Variants in CRHR2 observed in about 807,000 individuals in gnomAD.
CRHR2 encodes the protein corticotropin-releasing hormone receptor 2.
CRHR2 carries 53 observed loss-of-function variants against 57.9 expected under a neutral mutation model. The observed-to-expected ratio is 0.92, with a 90% CI of 0.73 to 1.15. The LOEUF (loss-of-function observed/expected upper bound fraction) is 1.15, where lower values mean the gene tolerates loss of function less well. Ranked by LOEUF, CRHR2 falls within the 50% of genes most tolerant of loss-of-function variation. The pLI, the probability that CRHR2 is intolerant of heterozygous loss-of-function variation, is 0.00. For synonymous variants in CRHR2, 213 were observed against 220.9 expected (o/e 0.96, Z 0.32); for missense variants, 532 against 542.6 (o/e 0.98, Z 0.19).
At chr7:30,690,982 T>C (rs1278709414) in intron 1 of CRHR2, among the ~76,000 whole-genome samples, 1 of 152,030 alleles carries the variant, frequency 6.6e-6, no homozygotes, top group East Asian at 1.9e-4. Flanking sequence ...CTGGGGGCCA[T>C]GGTCTTGCTG....
intron 2 of CRHR2, chr7:30,689,113 C>G (rs1784909283): frequency 7.5e-7 from 1 of 1,327,578 alleles, no homozygotes; most frequent in Non-Finnish European, 1.1e-6. Flanking sequence ...TGGGCTGGCC[C>G]CAGGAAAGCC....
chr7:30,689,462 C>G (rs993057331), intron 1 of CRHR2, among the ~76,000 whole-genome samples: 3 of 152,300 alleles, frequency 2.0e-5, no homozygotes, highest in African/African-American at 2.4e-5. Flanking sequence ...TGGGCTGGAC[C>G]GAAGAAAGGC....
At chr7:30,659,577 G>A (rs1432887489) in intron 8 of CRHR2, among the ~76,000 whole-genome samples, 2 of 152,186 alleles carry the variant, frequency 1.3e-5, no homozygotes, top group East Asian at 1.9e-4. Flanking sequence ...CCTCTGAAGC[G>A]AACCAAGCCC....
At chr7:30,687,748 G>A (rs1198944496) in intron 2 of CRHR2, among the ~76,000 whole-genome samples, 2 of 152,226 alleles carry the variant, frequency 1.3e-5, no homozygotes, top group Non-Finnish European at 2.9e-5. Flanking sequence ...AAGGGTCTGT[G>A]CCACCTGCTG....
Position 30,652,008 on chromosome 7 carries a change from A to G in CRHR2, c.*1452T>C, listed in dbSNP as rs1783609688. The G allele has an allele frequency of 6.6e-6, 1 of 152,222 alleles. No homozygotes were observed. The highest frequency in any genetic ancestry group is 2.4e-5 in the African/African-American group (1 of 41,452). 9.4% of individuals were successfully genotyped at this position (152,222 alleles called of 1,614,324 possible). On this transcript the variant is annotated 3_prime_UTR_variant, in exon 12 of 12. Transcript: ENST00000471646. This position sits in a 1 kb window ranked among gnomAD's most constrained non-coding sequence, Gnocchi z 4.4. ...ATATTTACAAAATGGCAGAAATCACACCTTTGAAGGATTTAAAACTTAAGT... is the reference window on the plus strand; with the variant it reads ...ATATTTACAAAATGGCAGAAATCACGCCTTTGAAGGATTTAAAACTTAAGT...
rs764355355 is a variant in CRHR2 at position 30,681,959 on chromosome 7, C to G, written c.185G>C (p.Arg62Thr). 1 of 1,611,846 alleles carries G rather than the reference C, an allele frequency of 6.2e-7. No homozygotes were observed. Among genetic ancestry groups the G allele is most frequent in the Non-Finnish European group, 8.5e-7 (1 of 1,179,462 alleles). ...GCCGTTGAAGTACTCGGGGCACGGC[C>G]TCTCCACGAGGGCTCCGGCAGCGCT... Reference protein sequence around the residue: ...PRSAAGALVERPCPEYFNGVK... With the variant: ...PRSAAGALVETPCPEYFNGVK... Residue 62 changes from arginine (R) to threonine (T), a missense_variant, in exon 2 of 12, where the codon AGG becomes ACG. By Grantham distance (71) the Arg-to-Thr change is moderately conservative. Coordinates refer to ENST00000471646, the MANE Select transcript of CRHR2 (RefSeq NM_001883.5).
At chr7:30,691,460 C>T (rs1039025347) in intron 1 of CRHR2, among the ~76,000 whole-genome samples, 2 of 152,222 alleles carry the variant, frequency 1.3e-5, no homozygotes, top group African/African-American at 4.8e-5. Flanking sequence ...GTTTCTGACA[C>T]ATGCTTTGAA....
rs767864800 is a variant in CRHR2 at position 30,662,730 on chromosome 7, G to A, written c.661C>T (p.Arg221Cys). 60 of 1,614,050 alleles carry A rather than the reference G, an allele frequency of 3.7e-5. 1 individual carries two copies. Among genetic ancestry groups the A allele is most frequent in the East Asian group, 8.9e-5 (4 of 44,890 alleles). ...TAIVMTYSTE[R>C]LRKCLFLFIG... is the part of the protein sequence containing the mutation. ...AAGAGGAAGAGGCACTTGCGCAGGC[G>A]CTCAGTGGAGTAGGTCATGACAATG... The change falls in exon 6 of 12, where the codon CGC (arginine) becomes TGC (cysteine). Residue 221 changes from arginine (R) to cysteine (C), a missense_variant. Physicochemically the swap from Arg to Cys is radical, Grantham distance 180 (BLOSUM62 -3). Transcript: ENST00000471646.
Position 30,655,759 on chromosome 7 carries a change from C to T in CRHR2, c.918-44G>A, listed in dbSNP as rs763353642. ...CACAGGTCTGAGCCCATGCGGCAGG[C>T]AGGGCCTCACCCAGTGGGCGGCGGG... On this transcript the variant is annotated intron_variant, in intron 9 of 11. Transcript: ENST00000471646. 5 of 1,600,980 alleles carry T rather than the reference C, an allele frequency of 3.1e-6. No individual in the cohort carries two copies. In the South Asian group the frequency reaches 5.6e-5, roughly 18 times the overall value.
At chr7:30,668,163 A>G (rs562864128) in intron 2 of CRHR2, among the ~76,000 whole-genome samples, 49 of 152,376 alleles carry the variant, frequency 3.2e-4, no homozygotes, top group African/African-American at 1.0e-3. Flanking sequence ...ACAAAAGTGC[A>G]GGTTTTGTCA....
chr7:30,697,956 ACAC>A (rs1354368119), intron 1 of CRHR2: 1 of 152,524 alleles, frequency 6.6e-6, no homozygotes, highest in South Asian at 2.1e-4. Context: ...TGGGCTATAA[ACAC>A]CACAAGAACA....
At chr7:30,688,704 C>T (rs780799393) in intron 2 of CRHR2, 5 of 426,978 alleles carry the variant, frequency 1.2e-5, no homozygotes, top group Non-Finnish European at 2.3e-5. Context: ...CAGCAGAATC[C>T]AGGGCTCTGT....
rs563146852 is a variant in CRHR2 at position 30,689,282 on chromosome 7, T to A, written c.-258A>T. On this transcript the variant is annotated splice_region_variant and 5_prime_UTR_variant, in exon 2 of 14. Transcript: ENST00000341843. ...CTTTGGGCATCTGGCTCTGCCCGGC[T>A]GCCTAGGGGACAGCAAGGATGAGGG... is the stretch of plus-strand genomic sequence containing the variant. 50 of 1,550,278 alleles carry A rather than the reference T, an allele frequency of 3.2e-5. No individual in the cohort carries two copies. The African/African-American group carries it at 6.3e-4, about 19-fold the overall frequency.
chr7:30,681,959 C>A lies in CRHR2; in HGVS notation c.185G>T (p.Arg62Met), dbSNP rs764355355. ...GCCGTTGAAGTACTCGGGGCACGGCCTCTCCACGAGGGCTCCGGCAGCGCT... is the reference window on the plus strand; with the variant it reads ...GCCGTTGAAGTACTCGGGGCACGGCATCTCCACGAGGGCTCCGGCAGCGCT... ...PRSAAGALVE[R>M]PCPEYFNGVK... Residue 62 changes from arginine to methionine, a missense_variant, in exon 2 of 12, where the codon AGG (arginine) becomes ATG (methionine). Physicochemically the swap from Arg to Met is moderately conservative, Grantham distance 91. Coordinates refer to ENST00000471646, the MANE Select transcript of CRHR2 (RefSeq NM_001883.5). The A allele has an allele frequency of 6.2e-7, 1 of 1,611,964 alleles. No homozygotes were observed. The highest frequency in any genetic ancestry group is 2.2e-5 in the East Asian group (1 of 44,832).
intron 8 of CRHR2, among the ~76,000 whole-genome samples, chr7:30,659,889 C>T (rs543878771): frequency 2.0e-5 from 3 of 152,164 alleles, no homozygotes; most frequent in African/African-American, 4.8e-5. Flanking sequence ...ATAAGTCTTA[C>T]GTAAATGCCA....
At chr7:30,695,980 A>C (rs1439584262) in intron 1 of CRHR2, among the ~76,000 whole-genome samples, 2 of 152,240 alleles carry the variant, frequency 1.3e-5, no homozygotes, top group Non-Finnish European at 2.9e-5. Flanking sequence ...GCTGCTAAGT[A>C]AAATAAAATA....
Position 30,665,045 on chromosome 7 carries a change from G to A in CRHR2, c.543+25C>T. The A allele has an allele frequency of 6.3e-7, 1 of 1,597,392 alleles. No homozygotes were observed. The highest frequency in any genetic ancestry group is 8.6e-7 in the Non-Finnish European group (1 of 1,164,962). ...CGGAGCCCAGAGCCCCCCAGGTATA[G>A]CCCCGAGTCTCCCCGAGCAATGACC... On this transcript the variant is annotated intron_variant, in intron 5 of 11. Coordinates refer to ENST00000471646, the MANE Select transcript of CRHR2 (RefSeq NM_001883.5). The surrounding 1 kb of genome is among the most constrained non-coding windows in gnomAD (Gnocchi z 4.5).
chr7:30,665,602 A>G lies in CRHR2; in HGVS notation c.353T>C (p.Val118Ala). Residue 118 changes from valine (V) to alanine (A), a missense_variant, in exon 4 of 12, where the codon GTC becomes GCC. Transcript: ENST00000471646. The surrounding 1 kb of genome is among the most constrained non-coding windows in gnomAD (Gnocchi z 4.5). The stretch of plus-strand genomic sequence containing the variant: ...TACGCAGTGGCCCAGGTAGTTGACG[A>G]CAAGGGCGATGCGGTAGTGCAGGTC... ...KYDLHYRIALVVNYLGHCVSV... is the reference protein window; with the variant it reads ...KYDLHYRIALAVNYLGHCVSV... The G allele has an allele frequency of 6.4e-7, 1 of 1,562,552 alleles. No homozygotes were observed. The highest frequency in any genetic ancestry group is 8.7e-7 in the Non-Finnish European group (1 of 1,152,378).
At chr7:30,666,292 G>A (rs994782954) in intron 3 of CRHR2, among the ~76,000 whole-genome samples, 9 of 152,176 alleles carry the variant, frequency 5.9e-5, no homozygotes, top group Non-Finnish European at 7.4e-5. Flanking sequence ...GAGACCACAC[G>A]AGGGGGTGCA....
Sources: allele counts gnomAD v4.1 joint callset (sites outside exome capture counted in the v4.1 genomes callset), GRCh38; gene constraint gnomAD v4.1.1; non-coding constraint Gnocchi (gnomAD v3.1); transcripts MANE v1.5; gene names NCBI Gene and HGNC (gene_info 2026-07-23, HGNC 2026-07-21).